CCSER1: variants seen among roughly 807,000 people sequenced by gnomAD.
CCSER1 encodes the protein serine-rich coiled-coil domain-containing protein 1.
A neutral mutation model predicts 82.0 loss-of-function variants in CCSER1; 41 were observed. The observed-to-expected ratio is 0.50, with a 90% CI of 0.39 to 0.65. CCSER1 has a LOEUF of 0.65. CCSER1 is among the 30% of genes least tolerant of loss of function. The pLI, the probability that CCSER1 is intolerant of heterozygous loss-of-function variation, is 0.00. For synonymous variants in CCSER1, 414 were observed against 383.9 expected, an observed-to-expected ratio of 1.08 and a Z score of -0.92; for missense variants, 1,119 against 1,064.2, an observed-to-expected ratio of 1.05 and a Z score of -0.72.
chr4:90,391,272 C>CAAAAAAAAAAAAAAAAAAAA (rs1215360899), intron 3 of CCSER1, among the ~76,000 whole-genome samples: 1 of 35,034 alleles, frequency 2.9e-5, no homozygotes, highest in Non-Finnish European at 4.5e-5. Context: ...GACTCTGTCT[C>CAAAAAAAAAAAAAAAAAAAA]AAAAAAAAAA....
intron 5 of CCSER1, among the ~76,000 whole-genome samples, chr4:90,587,308 A>G (rs1168590426): frequency 1.3e-5 from 2 of 152,186 alleles, no homozygotes; most frequent in African/African-American, 4.8e-5. Context: ...TATAGCAACC[A>G]TAGGAAATTA....
chr4:91,593,080 T>C lies in CCSER1; in HGVS notation c.2218-5492T>C, dbSNP rs1483806312. Among the ~76,000 whole-genome samples, 3 of 152,190 alleles carry C rather than the reference T, an allele frequency of 2.0e-5. No individual in the cohort carries two copies. The East Asian group carries it at 5.8e-4, about 29-fold the overall frequency. ...CCCCATAAATTCTATCATCACATCA[T>C]CCAGCCTTAACAAATTTTGGCTTTG... On this transcript the variant is annotated intron_variant, in intron 10 of 10. Transcript: ENST00000509176.
intron 10 of CCSER1, among the ~76,000 whole-genome samples, chr4:91,525,823 C>A (rs1760738806): frequency 6.6e-6 from 1 of 152,096 alleles, no homozygotes; most frequent in Admixed American, 6.6e-5. Context: ...AAATTCTAAG[C>A]CCCACCCTGC....
chr4:91,312,784 C>A (rs1366031054), intron 10 of CCSER1, among the ~76,000 whole-genome samples: 1 of 151,886 alleles, frequency 6.6e-6, no homozygotes, highest in Admixed American at 6.6e-5. Flanking sequence ...CCTAGTCTTA[C>A]CACTGTGCAA....
At chr4:91,474,501 A>ATTCT (rs1480530119) in intron 10 of CCSER1, among the ~76,000 whole-genome samples, 1 of 151,478 alleles carries the variant, frequency 6.6e-6, no homozygotes, top group Admixed American at 6.6e-5. Context: ...TTAAAACAAA[A>ATTCT]TTCTTTGGGA....
chr4:90,234,303 TG>T (rs1268868673), intron 1 of CCSER1, among the ~76,000 whole-genome samples: 1 of 151,908 alleles, frequency 6.6e-6, no homozygotes, highest in Non-Finnish European at 1.5e-5. Context: ...TGCAAAGTTT[TG>T]CTCCCTAGCT....
chr4:90,350,332 C>T (rs573433057), intron 3 of CCSER1, among the ~76,000 whole-genome samples: 2 of 152,050 alleles, frequency 1.3e-5, no homozygotes, highest in Non-Finnish European at 2.9e-5. Context: ...CCTGGCAATG[C>T]TCAGGGAAAA....
At chr4:91,422,424 C>T (rs2149384429) in intron 10 of CCSER1, among the ~76,000 whole-genome samples, 1 of 152,258 alleles carries the variant, frequency 6.6e-6, no homozygotes, top group East Asian at 1.9e-4. Context: ...GTGTACAACA[C>T]ACTTACTGCA....
At chr4:90,317,975 A>G (rs1178036443) in intron 3 of CCSER1, among the ~76,000 whole-genome samples, 1 of 152,156 alleles carries the variant, frequency 6.6e-6, no homozygotes, top group Non-Finnish European at 1.5e-5. Flanking sequence ...AGAGGCGGAG[A>G]CTTAGGTTTG....
rs1746498023 is a variant in CCSER1 at position 90,741,136 on chromosome 4, T to C, written c.2010+17145T>C. Among the ~76,000 whole-genome samples the C allele has an allele frequency of 2.0e-5, 3 of 152,110 alleles. No homozygotes were observed. In the South Asian group the frequency reaches 6.2e-4, roughly 32 times the overall value. On this transcript the variant is annotated intron_variant, in intron 7 of 10. Coordinates refer to ENST00000509176, the MANE Select transcript of CCSER1 (RefSeq NM_001145065.2). The stretch of plus-strand genomic sequence containing the variant: ...TTAATTTGTATGTAAAGGATAGGTG[T>C]TGAACTACTGCTAGCAAAATTTTAT...
At position 91,574,079 on chromosome 4, in the gene CCSER1, A is replaced by G. The variant is rs562407740; in HGVS notation, c.2218-24493A>G. On this transcript the variant is annotated intron_variant, in intron 10 of 10. Coordinates refer to ENST00000509176, the MANE Select transcript of CCSER1 (RefSeq NM_001145065.2). ...TAATTAATATTTTTTAAATATTCCT[A>G]CTACCCAAAGTGATCTACCAAATCT... Among the ~76,000 whole-genome samples, 47 of 152,248 alleles carry G rather than the reference A, an allele frequency of 3.1e-4. No homozygotes were observed. In the Middle Eastern group the frequency reaches 0.014, roughly 44 times the overall value.
chr4:91,450,089 G>A (rs1474433279), intron 10 of CCSER1, among the ~76,000 whole-genome samples: 1 of 145,762 alleles, frequency 6.9e-6, no homozygotes, highest in Non-Finnish European at 1.5e-5. Flanking sequence ...GTTATATGCT[G>A]AAACAAAGCC....
At chr4:90,445,348 A>G (rs770488881) in intron 4 of CCSER1, among the ~76,000 whole-genome samples, 4 of 152,110 alleles carry the variant, frequency 2.6e-5, no homozygotes, top group Admixed American at 6.6e-5. Context: ...GAAGAGATCA[A>G]TAGCTTTTTG....
chr4:90,615,749 A>C (rs1721073077), intron 5 of CCSER1, among the ~76,000 whole-genome samples: 1 of 152,162 alleles, frequency 6.6e-6, no homozygotes. Flanking sequence ...AAATTACAAC[A>C]AAAAATTTAG....
intron 10 of CCSER1, among the ~76,000 whole-genome samples, chr4:91,237,353 A>G (rs1739094087): frequency 6.6e-6 from 1 of 151,178 alleles, no homozygotes; most frequent in South Asian, 2.1e-4. Context: ...CAAAAACTTG[A>G]GAATGCATTA....
At chr4:90,322,237 T>C (rs1579171022) in intron 3 of CCSER1, among the ~76,000 whole-genome samples, 1 of 152,310 alleles carries the variant, frequency 6.6e-6, no homozygotes, top group East Asian at 1.9e-4. Context: ...GAGGAATCTG[T>C]CCTTTCCTCC....
At chr4:90,355,108 A>G (rs1259127506) in intron 3 of CCSER1, among the ~76,000 whole-genome samples, 3 of 152,036 alleles carry the variant, frequency 2.0e-5, no homozygotes, top group East Asian at 3.8e-4. Flanking sequence ...CAGACTGAAG[A>G]CTTCTGGATA....
intron 10 of CCSER1, among the ~76,000 whole-genome samples, chr4:91,370,416 G>A (rs1353578928): frequency 6.6e-6 from 1 of 152,056 alleles, no homozygotes; most frequent in African/African-American, 2.4e-5. Context: ...AAAATGTTTT[G>A]CCGGGCATGG....
At chr4:90,478,341 C>T (rs958293532) in intron 5 of CCSER1, among the ~76,000 whole-genome samples, 4 of 152,148 alleles carry the variant, frequency 2.6e-5, no homozygotes, top group Admixed American at 6.6e-5. Flanking sequence ...CTATATTCTT[C>T]ATTCTCTCTC....
Sources: gnomAD v4.1 joint callset for allele counts (sites outside exome capture counted in the v4.1 genomes callset) on GRCh38, gnomAD v4.1.1 for gene constraint, MANE v1.5 for transcripts, NCBI Gene and HGNC (gene_info 2026-07-23, HGNC 2026-07-21) for gene names.